The following TCF12 variants were observed in gnomAD, a reference collection of about 807,000 sequenced individuals.
The protein encoded by TCF12 is DNA-binding protein HTF4.
TCF12 carries 45 observed loss-of-function variants against 86.0 expected under a neutral mutation model. The observed-to-expected ratio is 0.52, with a 90% confidence interval of 0.41 to 0.67. The LOEUF (loss-of-function observed/expected upper bound fraction) is 0.67, where lower values mean the gene tolerates loss of function less well. Ranked by LOEUF, TCF12 falls within the 30% of genes least tolerant of loss-of-function variation. TCF12 has a pLI of 0.00. For missense variants in TCF12, 881 were observed against 859.9 expected, an observed-to-expected ratio of 1.02 and a Z score of -0.31; for synonymous variants, 330 against 299.6, an observed-to-expected ratio of 1.10 and a Z score of -1.05.
rs1184422578 is a variant in TCF12, at chr15:57,208,380, C to CTTTTTTTTTTTTTTTTTTTT, written c.579+10574_579+10575insTTTTTTTTTTTTTTTTTTTT. Among the ~76,000 whole-genome samples the CTTTTTTTTTTTTTTTTTTTT allele has an allele frequency of 1.7e-4, 11 of 65,590 alleles. 2 individuals are homozygous for CTTTTTTTTTTTTTTTTTTTT. Among genetic ancestry groups the CTTTTTTTTTTTTTTTTTTTT allele is most frequent in the African/African-American group, 6.7e-4 (10 of 14,846 alleles). The allele number at this position is 65,590 out of a possible 152,430, so 43.0% of individuals were successfully genotyped here. On this transcript the variant is annotated intron_variant, in intron 8 of 20. Coordinates refer to ENST00000333725, the MANE Select transcript of TCF12 (RefSeq NM_207037.2). Reference sequence around the variant, plus strand: ...ACCTTGTTCTTTGGACAAAAATATCCTTTTTTTTTTTTTTTTTTTGGAGAC... The same window carrying CTTTTTTTTTTTTTTTTTTTT: ...ACCTTGTTCTTTGGACAAAAATATCCTTTTTTTTTTTTTTTTTTTTTTTTTTTTTTTTTTTTTTTGGAGAC...
chr15:57,037,430 C>CA (rs149616566), intron 3 of TCF12, among the ~76,000 whole-genome samples: 1 of 131,288 alleles, frequency 7.6e-6, no homozygotes. Flanking sequence ...GACAAGAGCT[C>CA]AAAAAAACAA....
chr15:57,138,243 C>T (rs2052697604), intron 5 of TCF12, among the ~76,000 whole-genome samples: 1 of 152,164 alleles, frequency 6.6e-6, no homozygotes, highest in Non-Finnish European at 1.5e-5. Flanking sequence ...TAAAATGACA[C>T]TTCAGCGTTA....
At chr15:57,268,263 G>A (rs773298135) in intron 18 of TCF12, among the ~76,000 whole-genome samples, 2 of 152,224 alleles carry the variant, frequency 1.3e-5, no homozygotes, top group Non-Finnish European at 2.9e-5. Context: ...TGCTCTTGGA[G>A]ATTCTAATGA....
intron 3 of TCF12, among the ~76,000 whole-genome samples, chr15:57,044,892 A>G (rs1458232793): frequency 1.3e-5 from 2 of 152,174 alleles, no homozygotes; most frequent in African/African-American, 4.8e-5. Context: ...AACTTGCTTG[A>G]TCGTTTGTGG....
At position 57,046,190 on chromosome 15, in the gene TCF12, C is replaced by T. The variant is rs539607716; in HGVS notation, c.149-17560C>T. Reference sequence around the variant, plus strand: ...TGAGTTATGTACTATTATCAACCCACATTTAACAGAGGAAGAAGCAGACTT... The same window carrying T: ...TGAGTTATGTACTATTATCAACCCATATTTAACAGAGGAAGAAGCAGACTT... On this transcript the variant is annotated intron_variant, in intron 3 of 20. Transcript: ENST00000333725. Among the ~76,000 whole-genome samples, 10 of 152,340 alleles carry T rather than the reference C, an allele frequency of 6.6e-5. No homozygotes were observed. In the South Asian group the frequency reaches 2.1e-3, roughly 32 times the overall value.
chr15:57,217,699 A>T (rs1261139636), intron 8 of TCF12, among the ~76,000 whole-genome samples: 4 of 152,190 alleles, frequency 2.6e-5, no homozygotes, highest in African/African-American at 9.6e-5. Flanking sequence ...TAATTAATAG[A>T]AAAAGAAAAT....
intron 5 of TCF12, among the ~76,000 whole-genome samples, chr15:57,136,241 A>G (rs2151378341): frequency 6.6e-6 from 1 of 152,354 alleles, no homozygotes; most frequent in Non-Finnish European, 1.5e-5. Flanking sequence ...TTGCAAGTTT[A>G]TTTTGAGTAC....
At chr15:57,008,735 T>A (rs2141136997) in intron 3 of TCF12, among the ~76,000 whole-genome samples, 1 of 152,302 alleles carries the variant, frequency 6.6e-6, no homozygotes, top group Middle Eastern at 3.4e-3. Context: ...ACAGCTGTAG[T>A]GTCTAGCCAT....
chr15:56,987,959 T>C (rs2063274122), intron 3 of TCF12, among the ~76,000 whole-genome samples: 1 of 152,238 alleles, frequency 6.6e-6, no homozygotes, highest in Non-Finnish European at 1.5e-5. Context: ...TAAACCTATT[T>C]ACCAAGTTAA....
Position 57,263,194 on chromosome 15 carries a change from A to G in TCF12, c.1665A>G (p.Glu555=). 6.2e-7 allele frequency: 1 copy of G among 1,613,292 alleles called. No individual in the cohort carries two copies. Among genetic ancestry groups the G allele is most frequent in the Non-Finnish European group, 8.5e-7 (1 of 1,179,744 alleles). Residue 555 remains glutamate, a synonymous_variant, in exon 18 of 21, where the codon GAA becomes GAG. Transcript: ENST00000333725. ...ENKEKDENLH[E]PPSSDDMKSD... is the part of the protein sequence containing the mutation. Reference sequence around the variant, plus strand: ...AAGAAAAGGATGAAAACCTTCATGAACCTCCTTCATCAGATGACATGAAGT... The same window carrying G: ...AAGAAAAGGATGAAAACCTTCATGAGCCTCCTTCATCAGATGACATGAAGT...
chr15:57,018,191 A>G (rs971618391), intron 3 of TCF12, among the ~76,000 whole-genome samples: 6 of 152,352 alleles, frequency 3.9e-5, no homozygotes, highest in South Asian at 2.1e-4. Context: ...GAATATACAC[A>G]TTGATTAGCA....
At chr15:57,205,950 T>C (rs1179930024) in intron 8 of TCF12, among the ~76,000 whole-genome samples, 1 of 152,244 alleles carries the variant, frequency 6.6e-6, no homozygotes, top group African/African-American at 2.4e-5. Context: ...ATTGTTATTT[T>C]CTGACTTCTC....
At chr15:57,160,262 G>T (rs2054404405) in intron 5 of TCF12, among the ~76,000 whole-genome samples, 1 of 152,178 alleles carries the variant, frequency 6.6e-6, no homozygotes, top group Non-Finnish European at 1.5e-5. Context: ...TTAAATCATG[G>T]TGGAAGGAGA....
At chr15:57,162,857 G>A (rs2054595262) in intron 5 of TCF12, among the ~76,000 whole-genome samples, 1 of 151,700 alleles carries the variant, frequency 6.6e-6, no homozygotes, top group African/African-American at 2.4e-5. Flanking sequence ...TTCTTACTAG[G>A]ACATTTGATT....
chr15:56,918,433 C>T (rs1280980939), upstream of TCF12: 4 of 352,416 alleles, frequency 1.1e-5, no homozygotes, highest in East Asian at 3.4e-4. Flanking sequence ...CTCGAGGTGC[C>T]TGCGAGCGCC....
chr15:57,073,469 A>T (rs1400051386), intron 4 of TCF12, among the ~76,000 whole-genome samples: 4 of 152,020 alleles, frequency 2.6e-5, no homozygotes, highest in Non-Finnish European at 5.9e-5. Flanking sequence ...CACTTGTCAC[A>T]ATTTAGTTTA....
At chr15:57,198,046 C>CT (rs2057359289) in intron 8 of TCF12, among the ~76,000 whole-genome samples, 2 of 152,110 alleles carry the variant, frequency 1.3e-5, no homozygotes, top group African/African-American at 2.4e-5. Flanking sequence ...GCTCTTACTC[C>CT]TTGTCCCTGT....
intron 4 of TCF12, among the ~76,000 whole-genome samples, chr15:57,075,835 T>TCTCTCTCTCTCTCTTTTC (rs778545170): frequency 1.2e-4 from 6 of 50,016 alleles, no homozygotes; most frequent in African/African-American, 2.9e-4. Context: ...TCTCTCTCTC[T>TCTCTCTCTCTCTCTTTTC]TTTCTTTCTT....
intron 8 of TCF12, among the ~76,000 whole-genome samples, chr15:57,222,594 A>G (rs2058649715): frequency 6.6e-6 from 1 of 151,736 alleles, no homozygotes; most frequent in African/African-American, 2.4e-5. Flanking sequence ...AAATATAAAA[A>G]ATAGTAGAGA....
Sources: allele counts gnomAD v4.1 joint callset (sites outside exome capture counted in the v4.1 genomes callset), GRCh38; gene constraint gnomAD v4.1.1; transcripts MANE v1.5; gene names NCBI Gene and HGNC (gene_info 2026-07-23, HGNC 2026-07-21).